The following SMG7 variants were observed in gnomAD, a reference collection of about 807,000 sequenced individuals.
SMG7 encodes the protein SMG7 nonsense mediated mRNA decay factor.
A neutral mutation model predicts 148.2 loss-of-function variants in SMG7; 34 were observed. The observed-to-expected ratio is 0.23, with a 90% CI of 0.17 to 0.31. The LOEUF (loss-of-function observed/expected upper bound fraction) is 0.31, where lower values mean the gene tolerates loss of function less well. SMG7 is among the 10% of genes least tolerant of loss of function. The pLI is 1.00. For synonymous variants in SMG7, 492 were observed against 515.1 expected (o/e 0.96, Z 0.61); for missense variants, 1,114 against 1,408.4 (o/e 0.79, Z 3.35).
At chr1:183,485,938 T>C (rs777461595) in intron 1 of SMG7, among the ~76,000 whole-genome samples, 1 of 152,218 alleles carries the variant, frequency 6.6e-6, no homozygotes, top group Non-Finnish European at 1.5e-5. Flanking sequence ...TTACCTGAAA[T>C]TGAGACAGCA....
chr1:183,476,883 T>A (rs543366842), intron 1 of SMG7, among the ~76,000 whole-genome samples: 1 of 152,214 alleles, frequency 6.6e-6, no homozygotes, highest in African/African-American at 2.4e-5. Flanking sequence ...TGAAAGATTT[T>A]AAAAGACTTT....
intron 20 of SMG7, among the ~76,000 whole-genome samples, chr1:183,550,381 A>T (rs1670790949): frequency 1.3e-5 from 2 of 152,148 alleles, no homozygotes; most frequent in Non-Finnish European, 2.9e-5. Context: ...TGCACTTTTT[A>T]AAATTGAGAT....
chr1:183,491,581 G>T (rs192694956), intron 1 of SMG7, among the ~76,000 whole-genome samples: 5 of 152,170 alleles, frequency 3.3e-5, no homozygotes, highest in South Asian at 4.1e-4. Context: ...CTCCTAGTCT[G>T]TGGCTTGTCT....
chr1:183,537,783 A>T (rs1038211073), intron 11 of SMG7, among the ~76,000 whole-genome samples: 1 of 152,164 alleles, frequency 6.6e-6, no homozygotes, highest in Non-Finnish European at 1.5e-5. Flanking sequence ...ATAATATTCC[A>T]TCCTATGGAA....
chr1:183,544,862 A>C, intron 15 of SMG7, 68 bp from the exon 16 acceptor site: 2 of 1,538,522 alleles, frequency 1.3e-6, no homozygotes, highest in Non-Finnish European at 8.8e-7. Flanking sequence ...CTGTTAAAAA[A>C]AAAATGACTT....
chr1:183,548,581 G>A (rs536343696), intron 18 of SMG7, among the ~76,000 whole-genome samples: 19 of 152,056 alleles, frequency 1.2e-4, no homozygotes, highest in Non-Finnish European at 2.5e-4. Context: ...ATGATACAAC[G>A]TATGTCAAAG....
rs767118281 is a variant in SMG7 at position 183,512,843 on chromosome 1, A to G, written c.36A>G (p.Ala12=). 8 of 1,519,440 alleles carry G rather than the reference A, an allele frequency of 5.3e-6. No individual in the cohort carries two copies. Among genetic ancestry groups the G allele is most frequent in the East Asian group, 2.3e-5 (1 of 43,142 alleles). 94.1% of individuals were successfully genotyped at this position (1,519,440 alleles called of 1,614,324 possible). A position where few individuals can be genotyped will look rare whatever the true frequency, so the allele number is the denominator to read the frequency against. Residue 12 remains alanine (A), a synonymous_variant, in exon 2 of 23, where the codon GCA becomes GCG. Coordinates refer to ENST00000688051, the MANE Select transcript of SMG7 (RefSeq NM_001375584.1). ...TTTTTTTTTTTCTATCTAGGCAGGC[A>G]GAAGTCCTGAAGGCTGACATGACAG... ...SLQSAQYLRQ[A]EVLKADMTDS...
intron 1 of SMG7, among the ~76,000 whole-genome samples, chr1:183,507,599 G>A (rs749982734): frequency 1.3e-5 from 2 of 152,160 alleles, no homozygotes; most frequent in African/African-American, 2.4e-5. Context: ...AATAATTTAT[G>A]TAAAGCTCTT....
chr1:183,550,776 T>C lies in SMG7; in HGVS notation c.3159T>C (p.Ser1053=), dbSNP rs1670879642. The C allele has an allele frequency of 3.7e-6, 6 of 1,613,994 alleles. No homozygotes were observed. Among genetic ancestry groups the C allele is most frequent in the East Asian group, 2.2e-5 (1 of 44,892 alleles). The change falls in exon 21 of 23, where the codon TCT becomes TCC. Residue 1053 remains serine, a synonymous_variant. Coordinates refer to ENST00000688051, the MANE Select transcript of SMG7 (RefSeq NM_001375584.1). The stretch of plus-strand genomic sequence containing the variant: ...ATCATTCAACACCAGCCAGCCAGTC[T>C]CCTCATTCCTCTAACCCAAGCAGCC... ...SSDHSTPASQ[S]PHSSNPSSLP...
Position 183,515,939 on chromosome 1 carries a change from A to G in SMG7, c.127A>G (p.Met43Val). Residue 43 changes from methionine to valine, a missense_variant, in exon 3 of 23, where the codon ATG (methionine) becomes GTG (valine). Met to Val is a conservative substitution (Grantham distance 21, BLOSUM62 1). This residue lies in a region of SMG7 where 216 missense variants were observed against 329.1 expected (regional missense o/e 0.66). Coordinates refer to ENST00000688051, the MANE Select transcript of SMG7 (RefSeq NM_001375584.1). ...RQALQDLYQKMLVTDLEYALD... is the reference protein window; with the variant it reads ...RQALQDLYQKVLVTDLEYALD... The stretch of plus-strand genomic sequence containing the variant: ...GGCTCTGCAGGACCTGTACCAGAAA[A>G]TGCTAGTTACCGATTTGGAATACGC... 4 of 1,613,714 alleles carry G rather than the reference A, an allele frequency of 2.5e-6. No individual in the cohort carries two copies. The highest frequency in any genetic ancestry group is 3.4e-6 in the Non-Finnish European group (4 of 1,179,712).
Position 183,526,575 on chromosome 1 carries a change from TTTTG to T in SMG7, c.313-13_313-10del, listed in dbSNP as rs747270888. The stretch of plus-strand genomic sequence containing the variant: ...AGAGCACTTGTGACTTACTACTAAA[TTTTG>T]TTTGTTTTTCTTTTAGTTATTACAA... On this transcript the variant is annotated splice_polypyrimidine_tract_variant and intron_variant, in intron 4 of 22. Coordinates refer to ENST00000688051, the MANE Select transcript of SMG7 (RefSeq NM_001375584.1). 79 of 1,560,668 alleles carry T rather than the reference TTTTG, an allele frequency of 5.1e-5. No individual in the cohort carries two copies. Among genetic ancestry groups the T allele is most frequent in the South Asian group, 1.8e-4 (16 of 86,948 alleles).
At chr1:183,520,651 T>C (rs907306737) in intron 4 of SMG7, among the ~76,000 whole-genome samples, 4 of 152,190 alleles carry the variant, frequency 2.6e-5, no homozygotes, top group African/African-American at 9.7e-5. Flanking sequence ...ATTTTTATAA[T>C]AGCCATTATA....
chr1:183,517,900 A>G (rs893214993), intron 4 of SMG7, 80 bp downstream of exon 4: 1 of 1,413,138 alleles, frequency 7.1e-7, no homozygotes, highest in African/African-American at 1.4e-5. Context: ...AATGCATGTA[A>G]ACAATTCTTG....
At chr1:183,548,720 A>G (rs926086168) in intron 18 of SMG7, among the ~76,000 whole-genome samples, 1 of 152,194 alleles carries the variant, frequency 6.6e-6, no homozygotes, top group Non-Finnish European at 1.5e-5. Context: ...ACTTTTAGCA[A>G]CTGTTTTACT....
intron 1 of SMG7, among the ~76,000 whole-genome samples, chr1:183,481,868 C>G (rs1424147135): frequency 2.0e-5 from 3 of 151,834 alleles, no homozygotes; most frequent in African/African-American, 7.3e-5. Context: ...GCTCTGTTGC[C>G]CAGGCTGGTT....
In SMG7 at chr1:183,550,750, G is replaced by T; in HGVS notation, c.3134-1G>T. 1 of 1,613,684 alleles carries T rather than the reference G, an allele frequency of 6.2e-7. No individual in the cohort carries two copies. The highest frequency in any genetic ancestry group is 1.3e-5 in the African/African-American group (1 of 74,998). On this transcript the variant is annotated splice_acceptor_variant, in intron 20 of 22. Transcript: ENST00000688051. LOFTEE classifies it high-confidence loss of function. Reference sequence around the variant, plus strand: ...TATCCTGTGTTGCTATTATTTAATAGATCATTCAACACCAGCCAGCCAGTC... The same window carrying T: ...TATCCTGTGTTGCTATTATTTAATATATCATTCAACACCAGCCAGCCAGTC...
intron 3 of SMG7, among the ~76,000 whole-genome samples, chr1:183,516,988 G>GT (rs1245681252): frequency 1.3e-5 from 2 of 152,066 alleles, no homozygotes; most frequent in Non-Finnish European, 2.9e-5. Flanking sequence ...CTTTGTTCTA[G>GT]TTTTTTATTC....
intron 1 of SMG7, among the ~76,000 whole-genome samples, chr1:183,508,784 A>G (rs993995137): frequency 3.3e-5 from 5 of 152,188 alleles, no homozygotes; most frequent in African/African-American, 1.2e-4. Flanking sequence ...AGAGTTTGCC[A>G]CTAGATTTTA....
chr1:183,513,566 T>G (rs1271471648), intron 2 of SMG7, among the ~76,000 whole-genome samples: 1 of 152,050 alleles, frequency 6.6e-6, no homozygotes, highest in African/African-American at 2.4e-5. Flanking sequence ...GAGATGGGGA[T>G]TCACCATGTT....
Sources: gnomAD v4.1 joint callset for allele counts (sites outside exome capture counted in the v4.1 genomes callset) on GRCh38, gnomAD v4.1.1 for gene constraint, gnomAD v4.1.1 regional missense constraint, MANE v1.5 for transcripts, NCBI Gene and HGNC (gene_info 2026-07-23, HGNC 2026-07-21) for gene names.